PCCA: variants seen among roughly 807,000 people sequenced by gnomAD.
The protein encoded by PCCA is propionyl-CoA carboxylase subunit alpha, also known as propionyl-CoA carboxylase alpha chain, mitochondrial.
PCCA carries 74 observed loss-of-function variants against 101.3 expected under a neutral mutation model. That is an observed-to-expected ratio of 0.73 (90% CI 0.61 to 0.89). The LOEUF is 0.89. PCCA is among the 40% of genes least tolerant of loss of function. PCCA has a pLI of 0.00. For synonymous variants in PCCA, 294 were observed against 313.6 expected, an observed-to-expected ratio of 0.94 and a Z score of 0.66; for missense variants, 891 against 907.0, an observed-to-expected ratio of 0.98 and a Z score of 0.23.
intron 4 of PCCA, among the ~76,000 whole-genome samples, chr13:100,137,898 C>CT (rs1345789139): frequency 6.6e-6 from 1 of 151,812 alleles, no homozygotes; most frequent in Non-Finnish European, 1.5e-5. Context: ...CAGCCTCAGC[C>CT]TCCTGGGCCC....
intron 6 of PCCA, among the ~76,000 whole-genome samples, chr13:100,193,826 TC>T (rs890818812): frequency 3.3e-5 from 5 of 152,142 alleles, no homozygotes; most frequent in African/African-American, 9.7e-5. Flanking sequence ...ATGCCTGTAA[TC>T]CCAGCACTTT....
At chr13:100,503,113 C>T (rs2085801181) in intron 21 of PCCA, among the ~76,000 whole-genome samples, 1 of 152,180 alleles carries the variant, frequency 6.6e-6, no homozygotes, top group African/African-American at 2.4e-5. Context: ...TTGTCCTGGG[C>T]AGAGGCTGCC....
intron 10 of PCCA, among the ~76,000 whole-genome samples, chr13:100,264,797 C>T (rs898776808): frequency 3.9e-5 from 6 of 152,148 alleles, no homozygotes; most frequent in African/African-American, 1.4e-4. Context: ...CTAATGTATA[C>T]TCCCACCAGA....
intron 4 of PCCA, among the ~76,000 whole-genome samples, chr13:100,114,679 G>A (rs115138278): frequency 7.7e-4 from 117 of 152,304 alleles, no homozygotes; most frequent in African/African-American, 2.5e-3. Flanking sequence ...TATATGTAAA[G>A]GTGCTCGACA....
chr13:100,114,693 C>T (rs1577898), intron 4 of PCCA, among the ~76,000 whole-genome samples: 68,970 of 152,078 alleles, frequency 0.45, 16,437 homozygotes, highest in East Asian at 0.7. Flanking sequence ...CTCGACATTA[C>T]TGATCATTAC....
chr13:100,476,035 C>G (rs1051551100), intron 21 of PCCA, among the ~76,000 whole-genome samples: 2 of 152,186 alleles, frequency 1.3e-5, no homozygotes, highest in African/African-American at 4.8e-5. Flanking sequence ...GTTATTGTCT[C>G]TTCTCAAATG....
intron 21 of PCCA, among the ~76,000 whole-genome samples, chr13:100,483,051 C>T (rs1188277904): frequency 2.0e-5 from 3 of 151,966 alleles, no homozygotes; most frequent in Non-Finnish European, 4.4e-5. Context: ...ACTCCATATC[C>T]CTGAAGGTTA....
chr13:100,259,050 G>A (rs762658042), intron 9 of PCCA, among the ~76,000 whole-genome samples: 28 of 152,222 alleles, frequency 1.8e-4, no homozygotes, highest in Admixed American at 1.2e-3. Context: ...GCCTATGCTT[G>A]TCTTTTGGAG....
At chr13:100,115,795 A>C (rs534658356) in intron 4 of PCCA, among the ~76,000 whole-genome samples, 2 of 152,290 alleles carry the variant, frequency 1.3e-5, no homozygotes, top group East Asian at 3.9e-4. Context: ...CATTTTAGAG[A>C]CTTTTCACCA....
chr13:100,308,918 A>G (rs973123410), intron 15 of PCCA, among the ~76,000 whole-genome samples: 1 of 152,226 alleles, frequency 6.6e-6, no homozygotes, highest in African/African-American at 2.4e-5. Flanking sequence ...GCCAAATTAT[A>G]GAGATACATA....
In PCCA at chr13:100,271,589, T is replaced by A. The variant is rs539694274; in HGVS notation, c.915-1607T>A. On this transcript the variant is annotated intron_variant, in intron 11 of 23. Transcript: ENST00000376285. ...GAAGGGGCATTACAGATTAAAAGAG[T>A]CTTAAGATACAAAAGCCAATCAAAT... Among the ~76,000 whole-genome samples, 255 of 151,974 alleles carry A rather than the reference T, an allele frequency of 1.7e-3. 1 individual carries two copies. Among genetic ancestry groups the A allele is most frequent in the African/African-American group, 6.1e-3 (252 of 41,462 alleles).
chr13:100,475,994 TAC>T (rs2083394391), intron 21 of PCCA, among the ~76,000 whole-genome samples: 1 of 152,222 alleles, frequency 6.6e-6, no homozygotes, highest in Non-Finnish European at 1.5e-5. Context: ...ACAAAGCACA[TAC>T]ATTTCAGTTA....
intron 12 of PCCA, among the ~76,000 whole-genome samples, chr13:100,294,914 T>C (rs1013454804): frequency 6.6e-6 from 1 of 152,062 alleles, no homozygotes; most frequent in African/African-American, 2.4e-5. Context: ...GGGAGAAAAA[T>C]TGGTTTCTAA....
At chr13:100,188,333 AAAG>A (rs766052342) in intron 6 of PCCA, among the ~76,000 whole-genome samples, 27 of 148,654 alleles carry the variant, frequency 1.8e-4, no homozygotes, top group Admixed American at 3.3e-4. Context: ...ACAAAAACAC[AAAG>A]AAAGAAAGAA....
intron 12 of PCCA, among the ~76,000 whole-genome samples, chr13:100,290,425 C>G (rs777312942): frequency 2.0e-5 from 3 of 152,072 alleles, no homozygotes; most frequent in Admixed American, 6.6e-5. Context: ...GTTGCCCAGC[C>G]TGGTCTCAAA....
chr13:100,485,641 T>C (rs2084315655), intron 21 of PCCA, among the ~76,000 whole-genome samples: 1 of 152,188 alleles, frequency 6.6e-6, no homozygotes, highest in Non-Finnish European at 1.5e-5. Context: ...GGTATATGTA[T>C]ACAGAGACCT....
rs79467700 is a variant in PCCA at position 100,434,952 on chromosome 13, T to C, written c.1845+9221T>C. Among the ~76,000 whole-genome samples the C allele has an allele frequency of 3.3e-5, 5 of 152,352 alleles. No individual in the cohort carries two copies. In the East Asian group the frequency reaches 9.6e-4, roughly 29 times the overall value. ...ATGGACAGTCACTGGTCCCACAGCT[T>C]CCTAGCACATTCTACCAGGTAGCCT... On this transcript the variant is annotated intron_variant, in intron 20 of 23. Coordinates refer to ENST00000376285, the MANE Select transcript of PCCA (RefSeq NM_000282.4).
intron 7 of PCCA, among the ~76,000 whole-genome samples, chr13:100,227,147 T>G (rs574535771): frequency 7.5e-5 from 11 of 147,402 alleles, no homozygotes; most frequent in East Asian, 2.0e-4. Context: ...AATTTTTTTG[T>G]TTTTTTTTTG....
intron 18 of PCCA, among the ~76,000 whole-genome samples, chr13:100,363,827 T>G (rs1245848261): frequency 6.6e-6 from 1 of 152,230 alleles, no homozygotes; most frequent in Admixed American, 6.5e-5. Context: ...TTATACAGTC[T>G]TCTTTTAGCA....
Sources: allele counts gnomAD v4.1 joint callset (sites outside exome capture counted in the v4.1 genomes callset), GRCh38; gene constraint gnomAD v4.1.1; transcripts MANE v1.5; gene names NCBI Gene and HGNC (gene_info 2026-07-23, HGNC 2026-07-21).